OXR1: variants seen among roughly 807,000 people sequenced by gnomAD.
OXR1 encodes the protein oxidation resistance protein 1.
In OXR1, 41 loss-of-function variants were observed where a neutral mutation model predicts 104.6. That is an observed-to-expected ratio of 0.39 (90% CI 0.31 to 0.51). OXR1 has a LOEUF of 0.51. Ranked by LOEUF, OXR1 falls within the 20% of genes least tolerant of loss-of-function variation. The pLI is 0.77. For synonymous variants in OXR1, 348 were observed against 348.4 expected, an observed-to-expected ratio of 1.00 and a Z score of 0.01; for missense variants, 955 against 1,031.9, an observed-to-expected ratio of 0.93 and a Z score of 1.02.
chr8:106,284,614 C>T (rs1363684023), intron 1 of OXR1, among the ~76,000 whole-genome samples: 1 of 152,126 alleles, frequency 6.6e-6, no homozygotes, highest in Non-Finnish European at 1.5e-5. Flanking sequence ...TACCATAATA[C>T]ATATACAACA....
At chr8:106,442,271 G>A (rs1029003802) in intron 2 of OXR1, among the ~76,000 whole-genome samples, 3 of 152,210 alleles carry the variant, frequency 2.0e-5, no homozygotes, top group Non-Finnish European at 4.4e-5. Flanking sequence ...GCCAAGACTT[G>A]ATCATGGTGG....
At chr8:106,421,131 A>G (rs544083502) in intron 2 of OXR1, among the ~76,000 whole-genome samples, 2 of 152,260 alleles carry the variant, frequency 1.3e-5, no homozygotes, top group South Asian at 4.1e-4. Flanking sequence ...AAATTTTAAC[A>G]TATTTAATAC....
intron 7 of OXR1, among the ~76,000 whole-genome samples, chr8:106,697,226 G>T (rs1375626250): frequency 6.6e-6 from 1 of 152,196 alleles, no homozygotes. Context: ...GATGGGTATG[G>T]GGAAGGGAAT....
chr8:106,542,654 G>A (rs1815047975), intron 3 of OXR1, among the ~76,000 whole-genome samples: 1 of 151,562 alleles, frequency 6.6e-6, no homozygotes, highest in African/African-American at 2.4e-5. Flanking sequence ...TAAAACTGTG[G>A]TAGCATTATT....
intron 1 of OXR1, among the ~76,000 whole-genome samples, chr8:106,321,281 T>C (rs1814204662): frequency 6.6e-6 from 1 of 152,240 alleles, no homozygotes; most frequent in South Asian, 2.1e-4. Flanking sequence ...TTCAGTTGAC[T>C]ATGTTTCAAA....
intron 11 of OXR1, among the ~76,000 whole-genome samples, chr8:106,733,975 A>T (rs1226913028): frequency 1.4e-5 from 2 of 143,738 alleles, no homozygotes; most frequent in Non-Finnish European, 3.0e-5. Context: ...CTTCACTAAT[A>T]GAATTAATTC....
At chr8:106,546,014 TGATGCAG>T (rs1441552265) in intron 3 of OXR1, among the ~76,000 whole-genome samples, 1 of 150,102 alleles carries the variant, frequency 6.7e-6, no homozygotes, top group Non-Finnish European at 1.5e-5. Flanking sequence ...AAAAATTGAA[TGATGCAG>T]GTATAATTGG....
intron 11 of OXR1, among the ~76,000 whole-genome samples, chr8:106,721,272 T>G (rs1172143451): frequency 6.6e-6 from 1 of 152,002 alleles, no homozygotes; most frequent in Admixed American, 6.5e-5. Flanking sequence ...CATCTCTAAT[T>G]TTATACCACA....
chr8:106,751,107 A>G lies in OXR1; in HGVS notation c.*166A>G, dbSNP rs1835859403. On this transcript the variant is annotated 3_prime_UTR_variant, in exon 17 of 17. Transcript: ENST00000517566. The stretch of plus-strand genomic sequence containing the variant: ...AATTTTGGAGTTTATTTTTCAAATC[A>G]TGTTCTTGTCCCAGAGTTCTTTAGG... 1 of 523,404 alleles carries G rather than the reference A, an allele frequency of 1.9e-6. No individual in the cohort carries two copies. The highest frequency in any genetic ancestry group is 3.2e-6 in the Non-Finnish European group (1 of 309,982). The allele number at this position is 523,404 out of a possible 1,614,324, so 32.4% of individuals were successfully genotyped here. A position where few individuals can be genotyped will look rare whatever the true frequency, so the allele number is the denominator to read the frequency against.
At chr8:106,653,100 G>T (rs1282447333) in intron 3 of OXR1, among the ~76,000 whole-genome samples, 3 of 137,924 alleles carry the variant, frequency 2.2e-5, no homozygotes, top group African/African-American at 8.1e-5. Context: ...ATATATATAT[G>T]GTAAATGATT....
At chr8:106,368,176 T>G (rs1816556213) in intron 2 of OXR1, among the ~76,000 whole-genome samples, 1 of 152,164 alleles carries the variant, frequency 6.6e-6, no homozygotes, top group Non-Finnish European at 1.5e-5. Context: ...TTCAAAAGGA[T>G]TTCTCTATGT....
chr8:106,664,123 A>G (rs1826042100), intron 3 of OXR1, among the ~76,000 whole-genome samples: 2 of 152,294 alleles, frequency 1.3e-5, no homozygotes, highest in South Asian at 4.1e-4. Flanking sequence ...TTAATAGTGT[A>G]TCATTTAGTT....
At chr8:106,566,427 C>T (rs1001590719) in intron 3 of OXR1, among the ~76,000 whole-genome samples, 3 of 152,176 alleles carry the variant, frequency 2.0e-5, no homozygotes, top group Admixed American at 6.5e-5. Flanking sequence ...GAGATACCAT[C>T]TCATGCCTGT....
At chr8:106,647,658 G>T (rs1422071789) in intron 3 of OXR1, among the ~76,000 whole-genome samples, 2 of 152,172 alleles carry the variant, frequency 1.3e-5, no homozygotes, top group Non-Finnish European at 2.9e-5. Context: ...CAGATTGTCA[G>T]TCTGCTTTAT....
At chr8:106,444,479 C>T (rs531407868) in intron 2 of OXR1, among the ~76,000 whole-genome samples, 7 of 152,256 alleles carry the variant, frequency 4.6e-5, no homozygotes, top group African/African-American at 1.2e-4. Flanking sequence ...AAATGTGGTA[C>T]ATATACACCA....
chr8:106,525,869 A>G (rs150474018), intron 3 of OXR1, among the ~76,000 whole-genome samples: 54 of 152,346 alleles, frequency 3.5e-4, no homozygotes, highest in East Asian at 5.8e-4. Flanking sequence ...CTTGTAAGAC[A>G]CAGTCTACGA....
intron 7 of OXR1, among the ~76,000 whole-genome samples, chr8:106,700,600 A>T (rs1830499963): frequency 6.6e-6 from 1 of 151,858 alleles, no homozygotes; most frequent in East Asian, 1.9e-4. Flanking sequence ...TCCAAAAAGT[A>T]GACTCATGGT....
intron 2 of OXR1, among the ~76,000 whole-genome samples, chr8:106,514,596 C>T (rs1337092615): frequency 3.9e-5 from 6 of 152,088 alleles, no homozygotes; most frequent in African/African-American, 9.7e-5. Context: ...CTCAGTGCCA[C>T]GTCCTTTGCT....
chr8:106,453,374 A>T (rs1195970935), intron 2 of OXR1, among the ~76,000 whole-genome samples: 1 of 152,198 alleles, frequency 6.6e-6, no homozygotes, highest in Non-Finnish European at 1.5e-5. Context: ...TGATGATAGA[A>T]TAGCTCTCAA....
Sources: allele counts gnomAD v4.1 joint callset (sites outside exome capture counted in the v4.1 genomes callset), GRCh38; gene constraint gnomAD v4.1.1; transcripts MANE v1.5; gene names NCBI Gene and HGNC (gene_info 2026-07-23, HGNC 2026-07-21).